PCDHGA1: variants seen among roughly 807,000 people sequenced by gnomAD.
PCDHGA1 encodes the protein protocadherin gamma-A1.
PCDHGA1 carries 32 observed loss-of-function variants against 58.0 expected under a neutral mutation model. The ratio of observed to expected loss-of-function variants is 0.55; its 90% confidence interval spans 0.42 to 0.74. PCDHGA1 has a LOEUF of 0.74. PCDHGA1 is among the 30% of genes least tolerant of loss of function. The pLI is 0.00. For synonymous variants in PCDHGA1, 498 were observed against 501.1 expected (o/e 0.99, Z 0.08); for missense variants, 1,205 against 1,182.3 (o/e 1.02, Z -0.28).
intron 1 of PCDHGA1, chr5:141,375,956 G>T: frequency 1.2e-6 from 2 of 1,613,506 alleles, no homozygotes; most frequent in Non-Finnish European, 1.7e-6. Flanking sequence ...GCACACGGGC[G>T]AGGTGCGCAC....
intron 1 of PCDHGA1, chr5:141,396,086 G>T (rs2093341467): frequency 6.6e-6 from 1 of 152,152 alleles, no homozygotes; most frequent in Non-Finnish European, 1.5e-5. Flanking sequence ...GATGTGAAGT[G>T]GTGAGAATGT....
rs1385557537 is a variant in PCDHGA1 at position 141,415,739 on chromosome 5, GGTT to G, written c.2422-79067_2422-79065del. 2.0e-4 allele frequency: 88 copies of G among 435,112 alleles called. 2 individuals are homozygous for G. In the African/African-American group the frequency reaches 2.4e-3, roughly 12 times the overall value. 27.0% of individuals were successfully genotyped at this position (435,112 alleles called of 1,614,324 possible). A position where few individuals can be genotyped will look rare whatever the true frequency, so the allele number is the denominator to read the frequency against. On this transcript the variant is annotated intron_variant, in intron 1 of 3. Coordinates refer to ENST00000517417, the MANE Select transcript of PCDHGA1 (RefSeq NM_018912.3). ...ATGAGTAGAATTTGATGTTTATTAA[GGTT>G]TTTTTTTTTTTTTTTTTTTTTTTTT...
chr5:141,426,418 T>C (rs1445827088), intron 1 of PCDHGA1: 2 of 288,504 alleles, frequency 6.9e-6, no homozygotes, highest in Non-Finnish European at 1.4e-5. Flanking sequence ...GGTCCAGGGC[T>C]CCGTGGTGGG....
chr5:141,491,763 T>C lies in PCDHGA1; in HGVS notation c.2422-3044T>C. 1 of 1,570,222 alleles carries C rather than the reference T, an allele frequency of 6.4e-7. No homozygotes were observed. Among genetic ancestry groups the C allele is most frequent in the Non-Finnish European group, 8.6e-7 (1 of 1,159,286 alleles). Reference sequence around the variant, plus strand: ...GCGGCACTGGAGAAGCCGCCCGTCCTCATAAGGGATTGAACTTGCATCCAC... The same window carrying C: ...GCGGCACTGGAGAAGCCGCCCGTCCCCATAAGGGATTGAACTTGCATCCAC... On this transcript the variant is annotated intron_variant, in intron 1 of 3. Coordinates refer to ENST00000517417, the MANE Select transcript of PCDHGA1 (RefSeq NM_018912.3). The surrounding 1 kb of genome is among the most constrained non-coding windows in gnomAD (Gnocchi z 6.9).
intron 1 of PCDHGA1, among the ~76,000 whole-genome samples, chr5:141,488,236 T>A (rs1333427955): frequency 6.6e-6 from 1 of 152,154 alleles, no homozygotes; most frequent in Admixed American, 6.5e-5. Context: ...TTGAACTAGA[T>A]GCGGTAAATT....
chr5:141,377,563 C>G (rs987370681), intron 1 of PCDHGA1: 4 of 151,534 alleles, frequency 2.6e-5, no homozygotes, highest in African/African-American at 9.7e-5. Context: ...GTCACTGCAC[C>G]CTAGCCTGGG....
chr5:141,351,141 C>T (rs900188384), intron 1 of PCDHGA1: 17 of 1,614,030 alleles, frequency 1.1e-5, no homozygotes, highest in East Asian at 2.2e-5. Flanking sequence ...AATCCAAATA[C>T]TGGCGACATC....
At chr5:141,351,761 G>A (rs749923347) in intron 1 of PCDHGA1, 37 of 1,613,456 alleles carry the variant, frequency 2.3e-5, no homozygotes, top group Non-Finnish European at 2.5e-5. Flanking sequence ...GTTGTCCTAC[G>A]TGTCCGTGAG....
At chr5:141,380,349 GT>G (rs1776403876) in intron 1 of PCDHGA1, among the ~76,000 whole-genome samples, 1 of 152,006 alleles carries the variant, frequency 6.6e-6, no homozygotes, top group South Asian at 2.1e-4. Flanking sequence ...CTGTTTTGTT[GT>G]TTGTTTTTTA....
intron 1 of PCDHGA1, chr5:141,389,969 C>G: frequency 6.2e-7 from 1 of 1,614,042 alleles, no homozygotes; most frequent in Non-Finnish European, 8.5e-7. Context: ...TGGCCTTGGC[C>G]TTGATCTCAG....
chr5:141,443,478 C>T (rs2098390426), intron 1 of PCDHGA1, among the ~76,000 whole-genome samples: 1 of 152,052 alleles, frequency 6.6e-6, no homozygotes, highest in East Asian at 1.9e-4. Context: ...AGAATTAGAC[C>T]CTGTCCCAAA....
At chr5:141,362,055 G>A (rs762337183) in intron 1 of PCDHGA1, 4 of 1,611,832 alleles carry the variant, frequency 2.5e-6, no homozygotes, top group Non-Finnish European at 3.4e-6. Context: ...CGGCCCGCCA[G>A]CGCCTGCTGG....
chr5:141,403,532 C>A (rs1313886103), intron 1 of PCDHGA1: 1 of 1,613,892 alleles, frequency 6.2e-7, no homozygotes, highest in Non-Finnish European at 8.5e-7. Context: ...AAACCCAGAG[C>A]TGGTGCTGGA....
Position 141,389,558 on chromosome 5 carries a change from A to G in PCDHGA1, c.2421+56453A>G, listed in dbSNP as rs778077135. 14 of 1,613,148 alleles carry G rather than the reference A, an allele frequency of 8.7e-6. No individual in the cohort carries two copies. The East Asian group carries it at 8.9e-5, about 10-fold the overall frequency. ...TGGACGACCGCAACGACAATGCGCC[A>G]CGGGTGCTGTACCCCGCGCTGGGTC... On this transcript the variant is annotated intron_variant, in intron 1 of 3. Transcript: ENST00000517417.
intron 1 of PCDHGA1, chr5:141,357,443 C>T (rs1161118434): frequency 1.2e-6 from 2 of 1,614,104 alleles, no homozygotes; most frequent in African/African-American, 1.3e-5. Context: ...GGGGTTCGGG[C>T]TTTCCTGCAG....
chr5:141,494,792 C>A lies in PCDHGA1; in HGVS notation c.2422-15C>A. The A allele has an allele frequency of 6.2e-7, 1 of 1,614,132 alleles. No individual in the cohort carries two copies. Among genetic ancestry groups the A allele is most frequent in the East Asian group, 2.2e-5 (1 of 44,878 alleles). Reference sequence around the variant, plus strand: ...TCACGGGTACTCAGCCCCTTTCCCTCTGTTTTCTCCACAGCAAGCCCCGCC... The same window carrying A: ...TCACGGGTACTCAGCCCCTTTCCCTATGTTTTCTCCACAGCAAGCCCCGCC... On this transcript the variant is annotated splice_polypyrimidine_tract_variant and intron_variant, in intron 1 of 3. Transcript: ENST00000517417.
At position 141,415,593 on chromosome 5, in the gene PCDHGA1, G is replaced by A. The variant is rs201857595; in HGVS notation, c.2422-79214G>A. ...TAGATGATTCGAAGTTTCCTATAGA[G>A]GATACCCCATTGGTTCCAGTGAGTT... On this transcript the variant is annotated intron_variant, in intron 1 of 3. Transcript: ENST00000517417. The A allele has an allele frequency of 7.6e-5, 122 of 1,613,876 alleles. No homozygotes were observed. In the East Asian group the frequency reaches 2.7e-3, roughly 35 times the overall value.
intron 1 of PCDHGA1, chr5:141,419,098 G>A (rs993605209): frequency 8.7e-6 from 14 of 1,613,812 alleles, no homozygotes; most frequent in African/African-American, 2.7e-5. Context: ...TGGATCGGGA[G>A]CAGACCCCAG....
intron 1 of PCDHGA1, chr5:141,418,973 C>T: frequency 3.1e-6 from 5 of 1,613,916 alleles, no homozygotes; most frequent in Non-Finnish European, 3.4e-6. Context: ...CTTCAAAACA[C>T]GGGACCAAGA....
Sources: gnomAD v4.1 joint callset for allele counts (sites outside exome capture counted in the v4.1 genomes callset) on GRCh38, gnomAD v4.1.1 for gene constraint, Gnocchi (gnomAD v3.1) non-coding constraint, MANE v1.5 for transcripts, NCBI Gene and HGNC (gene_info 2026-07-23, HGNC 2026-07-21) for gene names.